The following GRIN2B variants were observed in gnomAD, a reference collection of about 807,000 sequenced individuals.
GRIN2B encodes the protein glutamate ionotropic receptor NMDA type subunit 2B, also known as glutamate receptor ionotropic, NMDA 2B.
A neutral mutation model predicts 114.5 loss-of-function variants in GRIN2B; 5 were observed. That is an observed-to-expected ratio of 0.04 (90% confidence interval 0.02 to 0.09). The LOEUF (loss-of-function observed/expected upper bound fraction) is 0.09, where lower values mean the gene tolerates loss of function less well. Among genes scored for constraint, GRIN2B ranks in the 10% least tolerant of loss-of-function variants. GRIN2B has a pLI of 1.00. For missense variants in GRIN2B, 1,108 were observed against 1,943.5 expected (o/e 0.57, Z 8.08); for synonymous variants, 787 against 745.1 (o/e 1.06, Z -0.92).
chr12:13,736,307 T>G (rs1863183869), intron 4 of GRIN2B, among the ~76,000 whole-genome samples: 2 of 152,026 alleles, frequency 1.3e-5, no homozygotes, highest in Admixed American at 1.3e-4. Context: ...CCTCTTCCTC[T>G]CCCTTTCTGG....
intron 9 of GRIN2B, among the ~76,000 whole-genome samples, chr12:13,609,727 C>A (rs1406519729): frequency 1.3e-5 from 2 of 150,672 alleles, no homozygotes; most frequent in South Asian, 2.1e-4. Context: ...GAGCTGAGAT[C>A]GCGCCACTGC....
At chr12:13,774,548 C>G (rs902302031) in intron 3 of GRIN2B, among the ~76,000 whole-genome samples, 4 of 152,172 alleles carry the variant, frequency 2.6e-5, no homozygotes, top group Admixed American at 2.0e-4. Context: ...GAAGGGATTA[C>G]TATCCACTGG....
intron 3 of GRIN2B, among the ~76,000 whole-genome samples, chr12:13,816,360 G>A (rs1257866460): frequency 6.6e-6 from 1 of 152,152 alleles, no homozygotes; most frequent in African/African-American, 2.4e-5. Context: ...CCATCCTTCT[G>A]GAAAATGTCC....
chr12:13,641,974 G>A (rs1949721337), intron 5 of GRIN2B, among the ~76,000 whole-genome samples: 1 of 152,154 alleles, frequency 6.6e-6, no homozygotes, highest in Admixed American at 6.5e-5. Flanking sequence ...GATCACCTGA[G>A]GTCAGGAGCT....
In GRIN2B at chr12:13,552,343, T is replaced by G. The variant is rs7957488; in HGVS notation, c.*10440A>C. ...CCGCTTTGGTCCTTGCTCTTTCAAG[T>G]TTCCCTACTTTCCGAAGCTATCATT... On this transcript the variant is annotated 3_prime_UTR_variant, in exon 14 of 14. Coordinates refer to ENST00000609686, the MANE Select transcript of GRIN2B (RefSeq NM_000834.5). 148,978 of 152,234 alleles carry G rather than the reference T, an allele frequency of 0.98. 72,983 individuals are homozygous for G. Among genetic ancestry groups the G allele is most frequent in the Middle Eastern group, 1 (294 of 294 alleles). 9.4% of individuals were successfully genotyped at this position (152,234 alleles called of 1,614,324 possible).
intron 4 of GRIN2B, among the ~76,000 whole-genome samples, chr12:13,739,628 T>C: frequency 6.6e-6 from 1 of 151,972 alleles, no homozygotes; most frequent in Non-Finnish European, 1.5e-5. Flanking sequence ...CCCGGTGTAA[T>C]ACTTGTGGCT....
chr12:13,715,120 A>G (rs540816604), intron 4 of GRIN2B, among the ~76,000 whole-genome samples: 1 of 152,022 alleles, frequency 6.6e-6, no homozygotes, highest in Admixed American at 6.6e-5. Flanking sequence ...GATGTATGAA[A>G]TAATGAAGAA....
At chr12:13,897,104 G>A (rs184833143) in intron 2 of GRIN2B, among the ~76,000 whole-genome samples, 26 of 152,120 alleles carry the variant, frequency 1.7e-4, no homozygotes, top group African/African-American at 5.1e-4. Context: ...AGGAAGCATC[G>A]TTCTGCCACT....
chr12:13,825,989 G>T (rs1281814481), intron 3 of GRIN2B, among the ~76,000 whole-genome samples: 1 of 151,354 alleles, frequency 6.6e-6, no homozygotes, highest in African/African-American at 2.4e-5. Flanking sequence ...AAATCATTTT[G>T]CTATTTGTTT....
At position 13,563,826 on chromosome 12, in the gene GRIN2B, G is replaced by C. The variant is rs1203043074; in HGVS notation, c.3412C>G (p.Arg1138Gly). The C allele has an allele frequency of 1.2e-6, 2 of 1,613,984 alleles. No homozygotes were observed. Among genetic ancestry groups the C allele is most frequent in the Non-Finnish European group, 1.7e-6 (2 of 1,180,030 alleles). Residue 1138 changes from arginine to glycine, a missense_variant, in exon 14 of 14, where the codon CGA becomes GGA. By Grantham distance (125) the Arg-to-Gly change is moderately radical. Coordinates refer to ENST00000609686, the MANE Select transcript of GRIN2B (RefSeq NM_000834.5). ...GLRDFYLDQF[R>G]TKENSPHWEH... ...CAGTGGGGTGAGTTCTCCTTTGTTC[G>C]GAACTGGTCCAGGTAGAAGTCCCGT...
intron 2 of GRIN2B, among the ~76,000 whole-genome samples, chr12:13,908,598 T>A (rs943090816): frequency 1.3e-5 from 2 of 152,210 alleles, no homozygotes; most frequent in Non-Finnish European, 2.9e-5. Flanking sequence ...TTCTTCCTTA[T>A]AATGAGTTGA....
At chr12:13,857,486 A>G (rs909222690) in intron 3 of GRIN2B, among the ~76,000 whole-genome samples, 2 of 152,200 alleles carry the variant, frequency 1.3e-5, no homozygotes, top group Non-Finnish European at 2.9e-5. Flanking sequence ...AAGGGAAGAT[A>G]CCAGTAGAGA....
At chr12:13,684,507 C>T (rs1950159758) in intron 4 of GRIN2B, among the ~76,000 whole-genome samples, 1 of 152,160 alleles carries the variant, frequency 6.6e-6, no homozygotes, top group African/African-American at 2.4e-5. Flanking sequence ...CTCTTAGTCA[C>T]CTCTACTATA....
chr12:13,759,748 G>A (rs7307315), intron 3 of GRIN2B, among the ~76,000 whole-genome samples: 53,589 of 151,960 alleles, frequency 0.35, 9,727 homozygotes, highest in African/African-American at 0.43. Flanking sequence ...AACAAAGAAG[G>A]ATGATCTTTT....
chr12:13,932,983 G>GTT (rs1867063550), intron 2 of GRIN2B, among the ~76,000 whole-genome samples: 2 of 130,016 alleles, frequency 1.5e-5, no homozygotes, highest in Non-Finnish European at 3.1e-5. Context: ...GTGTGTGTGT[G>GTT]TGTGCGTGTG....
chr12:13,589,994 A>T (rs1415892393), intron 10 of GRIN2B, among the ~76,000 whole-genome samples: 2 of 152,206 alleles, frequency 1.3e-5, no homozygotes, highest in African/African-American at 4.8e-5. Flanking sequence ...CTTTATTGCT[A>T]AACACAGTAG....
chr12:13,694,674 T>C lies in GRIN2B; in HGVS notation c.1011-18815A>G, dbSNP rs913207264. Among the ~76,000 whole-genome samples the C allele has an allele frequency of 2.5e-3, 237 of 96,418 alleles. 9 individuals carry two copies. The highest frequency in any genetic ancestry group is 5.9e-3 in the African/African-American group (171 of 29,138). 63.3% of individuals were successfully genotyped at this position (96,418 alleles called of 152,430 possible). A position where few individuals can be genotyped will look rare whatever the true frequency, so the allele number is the denominator to read the frequency against. ...AAAATGTCATATATATATATATATA[T>C]ATATATATATATATATATATATATA... is the stretch of plus-strand genomic sequence containing the variant. On this transcript the variant is annotated intron_variant, in intron 4 of 13. Transcript: ENST00000609686.
chr12:13,870,270 T>TG (rs1865885645), intron 2 of GRIN2B, among the ~76,000 whole-genome samples: 1 of 152,138 alleles, frequency 6.6e-6, no homozygotes, highest in African/African-American at 2.4e-5. Context: ...TGGGAATCAG[T>TG]GGAGCTCAGC....
chr12:13,954,568 G>A lies in GRIN2B; in HGVS notation c.-19+25360C>T, dbSNP rs1055082703. Among the ~76,000 whole-genome samples the A allele has an allele frequency of 2.0e-5, 3 of 151,980 alleles. No individual in the cohort carries two copies. In the South Asian group the frequency reaches 6.2e-4, roughly 32 times the overall value. ...GAAAGTACTGTAATCCCAGCACTTT[G>A]GGAGGCCGAGGCGGGTGGATCACTT... On this transcript the variant is annotated intron_variant, in intron 2 of 13. Transcript: ENST00000609686.
Sources: gnomAD v4.1 joint callset for allele counts (sites outside exome capture counted in the v4.1 genomes callset) on GRCh38, gnomAD v4.1.1 for gene constraint, MANE v1.5 for transcripts, NCBI Gene and HGNC (gene_info 2026-07-23, HGNC 2026-07-21) for gene names.